BCAS3: variants seen among roughly 807,000 people sequenced by gnomAD.
The protein encoded by BCAS3 is BCAS3 microtubule associated cell migration factor.
Under a neutral mutation model 116.1 loss-of-function variants are expected in BCAS3, and 53 were observed. The observed-to-expected ratio is 0.46, with a 90% confidence interval of 0.37 to 0.57. BCAS3 has a LOEUF of 0.57. Ranked by LOEUF, BCAS3 falls within the 20% of genes least tolerant of loss-of-function variation. The probability of loss-of-function intolerance (pLI) is 0.00; values close to 1 mark genes in which losing one functional copy is unlikely to be tolerated. For synonymous variants in BCAS3, 391 were observed against 408.2 expected, an observed-to-expected ratio of 0.96 and a Z score of 0.51; for missense variants, 917 against 1,165.4, an observed-to-expected ratio of 0.79 and a Z score of 3.10.
chr17:61,250,220 A>G (rs2048268750), intron 22 of BCAS3, among the ~76,000 whole-genome samples: 1 of 152,226 alleles, frequency 6.6e-6, no homozygotes, highest in Admixed American at 6.5e-5. Flanking sequence ...CCCCTCAGCA[A>G]TGTGCTAAAT....
chr17:60,727,258 GTT>G, intron 5 of BCAS3: 1 of 1,044,156 alleles, frequency 9.6e-7, no homozygotes, highest in Admixed American at 1.7e-5. Context: ...TGGATCTGCA[GTT>G]AGGCTCAACA....
chr17:60,836,101 A>G (rs2051349868), intron 7 of BCAS3, among the ~76,000 whole-genome samples: 1 of 152,124 alleles, frequency 6.6e-6, no homozygotes, highest in African/African-American at 2.4e-5. Context: ...TCCTGCCCGC[A>G]TACATTTATA....
At chr17:60,688,713 G>T (rs1255346902) in intron 3 of BCAS3, among the ~76,000 whole-genome samples, 2 of 151,854 alleles carry the variant, frequency 1.3e-5, no homozygotes, top group Non-Finnish European at 2.9e-5. Flanking sequence ...CTACTTGGGA[G>T]GCTGAGGCAG....
In BCAS3 at chr17:60,995,070, TG is replaced by T. The variant is rs2063751013; in HGVS notation, c.1486+4838del. Among the ~76,000 whole-genome samples the T allele has an allele frequency of 6.6e-6, 1 of 151,998 alleles. No individual in the cohort carries two copies. Among genetic ancestry groups the T allele is most frequent in the Non-Finnish European group, 1.5e-5 (1 of 67,964 alleles). On this transcript the variant is annotated intron_variant, in intron 15 of 23. Transcript: ENST00000407086. This position sits in a 1 kb window ranked among gnomAD's most constrained non-coding sequence, Gnocchi z 4.7. ...TCGGCTCACTGCAAGCTCCGCCTCC[TG>T]GGTTCAAGCGATTCTCCTGCTTCAG...
intron 6 of BCAS3, among the ~76,000 whole-genome samples, chr17:60,805,397 T>A (rs1031972994): frequency 6.6e-6 from 1 of 152,146 alleles, no homozygotes; most frequent in Non-Finnish European, 1.5e-5. Context: ...GGAGGAAAAC[T>A]TCTCTGACCT....
rs2058627098 is a variant in BCAS3, at chr17:61,364,491, G to A, written c.2426-3836G>A. Among the ~76,000 whole-genome samples the A allele has an allele frequency of 6.6e-6, 1 of 152,228 alleles. No individual in the cohort carries two copies. ...AGCACTTTGGGAGGCGAAGGTGGGT[G>A]GATCACTTGAGCACAGGAGTTTGAG... On this transcript the variant is annotated intron_variant, in intron 22 of 23. Coordinates refer to ENST00000407086, the MANE Select transcript of BCAS3 (RefSeq NM_017679.5). This position sits in a 1 kb window ranked among gnomAD's most constrained non-coding sequence, Gnocchi z 5.4.
chr17:61,072,452 C>T (rs1478368578), intron 19 of BCAS3, among the ~76,000 whole-genome samples: 1 of 152,030 alleles, frequency 6.6e-6, no homozygotes, highest in Non-Finnish European at 1.5e-5. Flanking sequence ...CATTCTAGTG[C>T]CGTTACTTAC....
chr17:61,185,652 A>G (rs901181057), intron 22 of BCAS3, among the ~76,000 whole-genome samples: 3 of 152,172 alleles, frequency 2.0e-5, no homozygotes, highest in Admixed American at 6.5e-5. Context: ...AGATGTGTGC[A>G]AGACAGAAAA....
intron 22 of BCAS3, among the ~76,000 whole-genome samples, chr17:61,328,327 C>T (rs548431659): frequency 3.9e-4 from 59 of 152,304 alleles, no homozygotes; most frequent in African/African-American, 1.3e-3. Flanking sequence ...AATTCTCACT[C>T]TGTTTTGTGG....
rs567149388 is a variant in BCAS3 at position 61,327,311 on chromosome 17, T to TAAAATA, written c.2426-41001_2426-40996dup. 6.6e-6 allele frequency among the ~76,000 whole-genome samples: 1 copy of TAAAATA among 151,792 alleles called. No homozygotes were observed. The highest frequency in any genetic ancestry group is 1.9e-4 in the East Asian group (1 of 5,186). On this transcript the variant is annotated intron_variant, in intron 22 of 23. Coordinates refer to ENST00000407086, the MANE Select transcript of BCAS3 (RefSeq NM_017679.5). The surrounding 1 kb of genome is among the most constrained non-coding windows in gnomAD (Gnocchi z 5.9). ...GTGAAACTCCGTCTCAAAAATAAAA[T>TAAAATA]AAAATAAAAATAAAAATAAACAAAC...
intron 10 of BCAS3, 119 bp from the exon 11 acceptor site, chr17:60,902,501 C>G (rs2057960650): frequency 1.2e-6 from 1 of 800,114 alleles, no homozygotes; most frequent in Non-Finnish European, 2.1e-6. Context: ...TACACTCATG[C>G]AAACATTCCC....
At chr17:61,048,231 C>G (rs2068520958) in intron 19 of BCAS3, among the ~76,000 whole-genome samples, 1 of 151,930 alleles carries the variant, frequency 6.6e-6, no homozygotes, top group Non-Finnish European at 1.5e-5. Flanking sequence ...AGTAGCTTCC[C>G]AACAAGATGG....
intron 13 of BCAS3, among the ~76,000 whole-genome samples, chr17:60,940,688 T>C (rs1047162794): frequency 1.3e-5 from 2 of 152,220 alleles, no homozygotes; most frequent in Non-Finnish European, 2.9e-5. Flanking sequence ...CAAGCATTAA[T>C]GCCAAAGTAT....
chr17:61,225,942 GA>G (rs888237079), intron 22 of BCAS3, among the ~76,000 whole-genome samples: 2 of 152,142 alleles, frequency 1.3e-5, no homozygotes, highest in Admixed American at 6.5e-5. Flanking sequence ...ATATGCTATG[GA>G]AACAATACTG....
At chr17:61,292,638 G>A (rs981424707) in intron 22 of BCAS3, among the ~76,000 whole-genome samples, 3 of 152,070 alleles carry the variant, frequency 2.0e-5, no homozygotes, top group Non-Finnish European at 4.4e-5. Context: ...GTGACAGAGC[G>A]AGGCTCCGTC....
Position 61,390,870 on chromosome 17 carries a change from C to CCAGACT in BCAS3, c.2594-1105_2594-1100dup, listed in dbSNP as rs1439572307. 1 of 152,148 alleles carries CCAGACT rather than the reference C, an allele frequency of 6.6e-6. No individual in the cohort carries two copies. Among genetic ancestry groups the CCAGACT allele is most frequent in the Non-Finnish European group, 1.5e-5 (1 of 68,082 alleles). 9.4% of individuals were successfully genotyped at this position (152,148 alleles called of 1,614,324 possible). On this transcript the variant is annotated intron_variant, in intron 23 of 23. Transcript: ENST00000407086. The surrounding 1 kb of genome is among the most constrained non-coding windows in gnomAD (Gnocchi z 6.8). ...GGTCCTGCACTCCTGGGTGGACAGG[C>CCAGACT]CAGACTCCTTCAGTCACAGGCAGGC...
At chr17:60,732,469 A>G (rs904972559) in intron 5 of BCAS3, among the ~76,000 whole-genome samples, 2 of 152,186 alleles carry the variant, frequency 1.3e-5, no homozygotes, top group African/African-American at 4.8e-5. Flanking sequence ...CCTGCTACAT[A>G]GACAAGATGC....
Position 61,034,685 on chromosome 17 carries a change from CA to C in BCAS3, c.1660del (p.Ile554PhefsTer30). 1 of 1,609,260 alleles carries C rather than the reference CA, an allele frequency of 6.2e-7. No individual in the cohort carries two copies. Among genetic ancestry groups the C allele is most frequent in the Non-Finnish European group, 8.5e-7 (1 of 1,177,010 alleles). The stretch of plus-strand genomic sequence containing the variant: ...TTTAAGCAAAGTTAAACCTCCTCCA[CA>C]AATTTCACCCAGCAAATCGATGGGC... The part of the protein sequence containing the change: ...KRTGKVKPPP[Q>X]ISPSKSMGGE... On this transcript the variant is annotated frameshift_variant, in exon 17 of 24. Coordinates refer to ENST00000407086, the MANE Select transcript of BCAS3 (RefSeq NM_017679.5). LOFTEE classifies it high-confidence loss of function. This position sits in a 1 kb window ranked among gnomAD's most constrained non-coding sequence, Gnocchi z 5.0.
chr17:61,154,581 T>G (rs1347033174), intron 22 of BCAS3, among the ~76,000 whole-genome samples: 2 of 151,926 alleles, frequency 1.3e-5, no homozygotes, highest in Non-Finnish European at 2.9e-5. Context: ...GACCACAGTG[T>G]GCACCACCAC....
Sources: gnomAD v4.1 joint callset for allele counts (sites outside exome capture counted in the v4.1 genomes callset) on GRCh38, gnomAD v4.1.1 for gene constraint, Gnocchi (gnomAD v3.1) non-coding constraint, MANE v1.5 for transcripts, NCBI Gene and HGNC (gene_info 2026-07-23, HGNC 2026-07-21) for gene names.